The following ARHGEF7 variants were observed in gnomAD, a reference collection of about 807,000 sequenced individuals.
The protein encoded by ARHGEF7 is PAK-interacting exchange factor beta.
Under a neutral mutation model 109.8 loss-of-function variants are expected in ARHGEF7, and 33 were observed. The observed-to-expected ratio is 0.30, with a 90% CI of 0.23 to 0.40. The LOEUF is 0.40. Among genes scored for constraint, ARHGEF7 ranks in the 10% least tolerant of loss-of-function variants. The pLI, the probability that ARHGEF7 is intolerant of heterozygous loss-of-function variation, is 1.00. For missense variants in ARHGEF7, 938 were observed against 1,098.5 expected, an observed-to-expected ratio of 0.85 and a Z score of 2.07; for synonymous variants, 458 against 424.6, an observed-to-expected ratio of 1.08 and a Z score of -0.97.
chr13:111,177,268 G>T (rs2153424316), intron 2 of ARHGEF7, among the ~76,000 whole-genome samples: 1 of 152,228 alleles, frequency 6.6e-6, no homozygotes, highest in East Asian at 1.9e-4. Context: ...CTGTTGTGAT[G>T]CACTTCCTGT....
chr13:111,220,029 C>G (rs1045112677), intron 5 of ARHGEF7, among the ~76,000 whole-genome samples: 1 of 152,172 alleles, frequency 6.6e-6, no homozygotes, highest in African/African-American at 2.4e-5. Flanking sequence ...GTCTGTGACT[C>G]AGTTGGATGG....
At chr13:111,271,514 G>A (rs2092144623) in intron 9 of ARHGEF7, among the ~76,000 whole-genome samples, 1 of 152,204 alleles carries the variant, frequency 6.6e-6, no homozygotes, top group Non-Finnish European at 1.5e-5. Context: ...ATGGCACTGT[G>A]CTTTATTTCA....
intron 13 of ARHGEF7, among the ~76,000 whole-genome samples, chr13:111,280,065 TCTTG>T (rs893692170): frequency 2.6e-5 from 4 of 152,362 alleles, no homozygotes; most frequent in African/African-American, 9.6e-5. Flanking sequence ...CAGTTGAGTT[TCTTG>T]CTTACAGTAC....
At chr13:111,233,711 A>C (rs1190831544) in intron 6 of ARHGEF7, among the ~76,000 whole-genome samples, 6 of 152,244 alleles carry the variant, frequency 3.9e-5, no homozygotes, top group Non-Finnish European at 1.5e-5. Flanking sequence ...CTCTTAATAT[A>C]GTGTTTCCCA....
At chr13:111,221,516 T>TATATATAGAC (rs2084274411) in intron 5 of ARHGEF7, among the ~76,000 whole-genome samples, 1 of 47,240 alleles carries the variant, frequency 2.1e-5, no homozygotes, top group African/African-American at 8.1e-5. Context: ...TATATATAGA[T>TATATATAGAC]ATATATCTAT....
At chr13:111,282,009 T>C (rs1047457266) in intron 15 of ARHGEF7, among the ~76,000 whole-genome samples, 5 of 152,258 alleles carry the variant, frequency 3.3e-5, no homozygotes, top group African/African-American at 1.2e-4. Context: ...GCTTTGACGT[T>C]GTTGCTAGAA....
At chr13:111,127,484 C>A (rs9522136) in intron 1 of ARHGEF7, among the ~76,000 whole-genome samples, 1 of 151,244 alleles carries the variant, frequency 6.6e-6, no homozygotes, top group South Asian at 2.1e-4. Flanking sequence ...ACCCTCCCCC[C>A]ATCACTACAA....
At chr13:111,248,116 T>C (rs888854904) in intron 8 of ARHGEF7, among the ~76,000 whole-genome samples, 5 of 152,220 alleles carry the variant, frequency 3.3e-5, no homozygotes, top group Non-Finnish European at 7.4e-5. Context: ...GATTTTGTTG[T>C]CTGAAAATTG....
intron 2 of ARHGEF7, among the ~76,000 whole-genome samples, chr13:111,171,527 T>G (rs1328330870): frequency 1.3e-5 from 2 of 152,274 alleles, no homozygotes; most frequent in Admixed American, 1.3e-4. Flanking sequence ...GTCCTTTCCC[T>G]TCATGCTTTG....
intron 13 of ARHGEF7, among the ~76,000 whole-genome samples, chr13:111,279,730 C>G (rs947802724): frequency 6.6e-6 from 1 of 152,224 alleles, no homozygotes; most frequent in African/African-American, 2.4e-5. Context: ...TCAGGGAGCA[C>G]TGGTTTGCCA....
At chr13:111,280,725 C>T (rs1236462910) in intron 15 of ARHGEF7, 48 bp downstream of exon 15, 2 of 1,443,126 alleles carry the variant, frequency 1.4e-6, no homozygotes, top group Non-Finnish European at 1.8e-6. Flanking sequence ...GCGTGGCATC[C>T]CGTGGCTGAG....
chr13:111,175,771 C>G (rs1292212916), intron 2 of ARHGEF7, among the ~76,000 whole-genome samples: 2 of 152,188 alleles, frequency 1.3e-5, no homozygotes, highest in Non-Finnish European at 2.9e-5. Flanking sequence ...TGTTCTCACA[C>G]TGCTATAGAG....
intron 4 of ARHGEF7, among the ~76,000 whole-genome samples, chr13:111,213,807 G>A (rs1038848498): frequency 5.9e-5 from 9 of 152,134 alleles, no homozygotes; most frequent in Non-Finnish European, 1.2e-4. Flanking sequence ...GACAGTGAAC[G>A]GACCCCTCAC....
chr13:111,254,459 T>C (rs2090185211), intron 8 of ARHGEF7, among the ~76,000 whole-genome samples: 1 of 141,234 alleles, frequency 7.1e-6, no homozygotes, highest in East Asian at 2.1e-4. Context: ...GCTAAGGCGC[T>C]GAGTCGCTAA....
At chr13:111,162,587 G>A (rs1345764203) in intron 2 of ARHGEF7, among the ~76,000 whole-genome samples, 1 of 152,182 alleles carries the variant, frequency 6.6e-6, no homozygotes, top group East Asian at 1.9e-4. Context: ...GTTCAGGTGG[G>A]CAGTCCAGCA....
At chr13:111,173,200 T>C (rs542175755) in intron 2 of ARHGEF7, among the ~76,000 whole-genome samples, 15 of 152,302 alleles carry the variant, frequency 9.8e-5, no homozygotes, top group Non-Finnish European at 1.8e-4. Context: ...CCCCAGAGCA[T>C]GTTGCGTTTC....
In ARHGEF7 at chr13:111,259,206, C is replaced by T. The variant is rs112079063; in HGVS notation, c.951-8342C>T. On this transcript the variant is annotated intron_variant, in intron 8 of 21. Coordinates refer to ENST00000646102, the MANE Select transcript of ARHGEF7 (RefSeq NM_001354046.2). ...GTGCCCATCTGGCTTTGCCACCTGCCGATTGTAGTGCCCCAGGGTCTTGAG... is the reference window on the plus strand; with the variant it reads ...GTGCCCATCTGGCTTTGCCACCTGCTGATTGTAGTGCCCCAGGGTCTTGAG... Among the ~76,000 whole-genome samples the T allele has an allele frequency of 1.9e-3, 283 of 152,260 alleles. 2 individuals are homozygous for T. Among genetic ancestry groups the T allele is most frequent in the African/African-American group, 6.5e-3 (269 of 41,540 alleles).
At chr13:111,202,161 G>A (rs1305870059) in intron 2 of ARHGEF7, among the ~76,000 whole-genome samples, 1 of 152,194 alleles carries the variant, frequency 6.6e-6, no homozygotes, top group African/African-American at 2.4e-5. Context: ...GTATTATGGT[G>A]CGAAGTGTGT....
At chr13:111,284,423 CAG>C (rs1362834898) in intron 16 of ARHGEF7, among the ~76,000 whole-genome samples, 1 of 152,108 alleles carries the variant, frequency 6.6e-6, no homozygotes, top group African/African-American at 2.4e-5. Flanking sequence ...GTGTGCAAGT[CAG>C]AATTTCCATT....
Sources: gnomAD v4.1 joint callset for allele counts (sites outside exome capture counted in the v4.1 genomes callset) on GRCh38, gnomAD v4.1.1 for gene constraint, MANE v1.5 for transcripts, NCBI Gene and HGNC (gene_info 2026-07-23, HGNC 2026-07-21) for gene names.